The following MTA3 variants were observed in gnomAD, a reference collection of about 807,000 sequenced individuals.
MTA3 encodes metastasis associated 1 family member 3.
MTA3 carries 34 observed loss-of-function variants against 83.5 expected under a neutral mutation model. That is an observed-to-expected ratio of 0.41 (90% CI 0.31 to 0.54). MTA3 has a LOEUF of 0.54. Ranked by LOEUF, MTA3 falls within the 20% of genes least tolerant of loss-of-function variation. The pLI is 0.33. For missense variants in MTA3, 761 were observed against 726.4 expected (o/e 1.05, Z -0.55); for synonymous variants, 303 against 252.7 (o/e 1.20, Z -1.89).
chr2:42,623,727 C>G (rs963074713), intron 4 of MTA3, among the ~76,000 whole-genome samples: 1 of 135,314 alleles, frequency 7.4e-6, no homozygotes, highest in Admixed American at 8.1e-5. Flanking sequence ...GAGACAGAGT[C>G]TGTCGCCCAG....
At chr2:42,606,373 A>T (rs1683406154) in intron 3 of MTA3, among the ~76,000 whole-genome samples, 2 of 138,066 alleles carry the variant, frequency 1.4e-5, no homozygotes, top group African/African-American at 5.6e-5. Flanking sequence ...GGGGCTCCTC[A>T]CTTCTCAGAC....
chr2:42,563,818 T>TCCTTCCTTCCTTCCTC (rs1677777705), upstream of MTA3, among the ~76,000 whole-genome samples: 1 of 148,340 alleles, frequency 6.7e-6, no homozygotes, highest in African/African-American at 2.5e-5. Flanking sequence ...CTTCCTTCCT[T>TCCTTCCTTCCTTCCTC]CCTTCCTTCC....
chr2:42,703,972 G>T, intron 11 of MTA3: 1 of 440,506 alleles, frequency 2.3e-6, no homozygotes. Flanking sequence ...TTTACTTCGT[G>T]AATGTCAGGC....
intron 11 of MTA3, among the ~76,000 whole-genome samples, chr2:42,699,398 A>G (rs1236840888): frequency 3.3e-5 from 5 of 152,088 alleles, no homozygotes; most frequent in Non-Finnish European, 5.9e-5. Context: ...GTGTCTCCCT[A>G]TGTTACCCAG....
chr2:42,623,739 C>A (rs1435793857), intron 4 of MTA3, among the ~76,000 whole-genome samples: 1 of 144,782 alleles, frequency 6.9e-6, no homozygotes, highest in Non-Finnish European at 1.5e-5. Flanking sequence ...GTCGCCCAGG[C>A]AGGAGCAGTG....
intron 3 of MTA3, among the ~76,000 whole-genome samples, chr2:42,608,788 G>T (rs1018733195): frequency 3.2e-4 from 49 of 152,226 alleles, no homozygotes; most frequent in African/African-American, 1.2e-3. Flanking sequence ...GGAGGCTAAG[G>T]CACAAGAATT....
chr2:42,712,879 T>C (rs981489842), intron 14 of MTA3: 4 of 152,206 alleles, frequency 2.6e-5, no homozygotes, highest in Admixed American at 2.6e-4. Flanking sequence ...TCTTTTCTTT[T>C]TTCCCCCCTG....
intron 4 of MTA3, among the ~76,000 whole-genome samples, chr2:42,615,711 C>CCTTT (rs1684788409): frequency 1.7e-5 from 1 of 59,794 alleles, no homozygotes; most frequent in Non-Finnish European, 2.9e-5. Flanking sequence ...ATAATCTCTT[C>CCTTT]TTTTTTTTTT....
intron 4 of MTA3, among the ~76,000 whole-genome samples, chr2:42,611,340 C>CAGA: frequency 6.6e-6 from 1 of 150,898 alleles, no homozygotes; most frequent in South Asian, 2.1e-4. Flanking sequence ...CACACACACA[C>CAGA]CCCCTCACAC....
intron 2 of MTA3, among the ~76,000 whole-genome samples, chr2:42,554,142 G>A (rs1406352515): frequency 6.6e-6 from 1 of 151,560 alleles, no homozygotes; most frequent in African/African-American, 2.4e-5. Context: ...GCTGAGGTAC[G>A]GGAATCGCTT....
At chr2:42,721,741 C>A (rs1357249813) in intron 15 of MTA3, among the ~76,000 whole-genome samples, 1 of 152,140 alleles carries the variant, frequency 6.6e-6, no homozygotes, top group Non-Finnish European at 1.5e-5. Flanking sequence ...ATAGGAAAAG[C>A]GTATTCTCTT....
chr2:42,594,521 A>C (rs528324488), intron 3 of MTA3, among the ~76,000 whole-genome samples: 1 of 150,450 alleles, frequency 6.6e-6, no homozygotes, highest in African/African-American at 2.4e-5. Context: ...TACAGGTGGG[A>C]GCCACTGCAC....
chr2:42,587,709 C>T (rs768245250), intron 3 of MTA3, among the ~76,000 whole-genome samples: 1 of 152,072 alleles, frequency 6.6e-6, no homozygotes, highest in African/African-American at 2.4e-5. Flanking sequence ...TCAAGTGATT[C>T]TCCTGCTTCA....
chr2:42,612,919 C>G (rs1026876558), intron 4 of MTA3, among the ~76,000 whole-genome samples: 2 of 152,078 alleles, frequency 1.3e-5, no homozygotes, highest in Admixed American at 6.6e-5. Context: ...TCTTAAGACT[C>G]TTGCCAGAAC....
chr2:42,553,042 C>G (rs773205257), intron 2 of MTA3, among the ~76,000 whole-genome samples: 1 of 151,840 alleles, frequency 6.6e-6, no homozygotes, highest in African/African-American at 2.4e-5. Flanking sequence ...TTTGGAAGGC[C>G]GAGGCAAGAG....
chr2:42,624,138 A>G (rs1208823826), intron 4 of MTA3, among the ~76,000 whole-genome samples: 1 of 152,080 alleles, frequency 6.6e-6, no homozygotes, highest in Non-Finnish European at 1.5e-5. Context: ...ATGTTACTGG[A>G]AGTCAATTAT....
intron 12 of MTA3, among the ~76,000 whole-genome samples, chr2:42,705,301 G>A (rs1183615435): frequency 1.3e-5 from 2 of 152,196 alleles, no homozygotes; most frequent in African/African-American, 2.4e-5. Context: ...TACATGGATA[G>A]CATCATAAAT....
At chr2:42,564,705 A>G (rs539857098), upstream of MTA3, among the ~76,000 whole-genome samples, 119 of 152,332 alleles carry the variant, frequency 7.8e-4, 1 homozygote, top group African/African-American at 2.7e-3. Flanking sequence ...GATTAATTAC[A>G]TTTTAGACCT....
In MTA3 at chr2:42,697,868, T is replaced by C. The variant is rs1693526841; in HGVS notation, c.1025+34T>C. Reference sequence around the variant, plus strand: ...TTGAAATCTTTTAAAATATTTGTTTTGGTCTTAATTTTATCATTGCAGAAT... The same window carrying C: ...TTGAAATCTTTTAAAATATTTGTTTCGGTCTTAATTTTATCATTGCAGAAT... On this transcript the variant is annotated intron_variant, in intron 11 of 16. Transcript: ENST00000405094. 6 of 1,426,992 alleles carry C rather than the reference T, an allele frequency of 4.2e-6. 1 individual carries two copies. In the Admixed American group the frequency reaches 1.7e-4, roughly 39 times the overall value. The allele number at this position is 1,426,992 out of a possible 1,614,324, so 88.4% of individuals were successfully genotyped here.
Sources: gnomAD v4.1 joint callset for allele counts (sites outside exome capture counted in the v4.1 genomes callset) on GRCh38, gnomAD v4.1.1 for gene constraint, MANE v1.5 for transcripts, NCBI Gene and HGNC (gene_info 2026-07-23, HGNC 2026-07-21) for gene names.